SGCZ: variants seen among roughly 807,000 people sequenced by gnomAD.
SGCZ encodes the protein sarcoglycan zeta, also known as zeta-sarcoglycan.
In SGCZ, 40 loss-of-function variants were observed where a neutral mutation model predicts 41.3. The observed-to-expected ratio is 0.97, with a 90% CI of 0.75 to 1.26. The LOEUF (loss-of-function observed/expected upper bound fraction) is 1.26, where lower values mean the gene tolerates loss of function less well. SGCZ is among the 50% of genes most tolerant of loss of function. The pLI, the probability that SGCZ is intolerant of heterozygous loss-of-function variation, is 0.00. For missense variants in SGCZ, 552 were observed against 369.8 expected, an observed-to-expected ratio of 1.49 and a Z score of -4.04; for synonymous variants, 206 against 137.5, an observed-to-expected ratio of 1.50 and a Z score of -3.49.
chr8:14,717,380 T>C (rs1336553210), intron 1 of SGCZ, among the ~76,000 whole-genome samples: 2 of 152,134 alleles, frequency 1.3e-5, no homozygotes, highest in East Asian at 1.9e-4. Flanking sequence ...ATAAATCACT[T>C]ACAGTAATAT....
At chr8:14,947,434 T>C (rs971461998) in intron 1 of SGCZ, among the ~76,000 whole-genome samples, 14 of 152,262 alleles carry the variant, frequency 9.2e-5, no homozygotes, top group African/African-American at 3.1e-4. Flanking sequence ...TGTCCTGATG[T>C]GGACAACCTC....
chr8:14,819,864 T>C (rs1432551755), intron 1 of SGCZ, among the ~76,000 whole-genome samples: 2 of 151,874 alleles, frequency 1.3e-5, no homozygotes, highest in South Asian at 2.1e-4. Flanking sequence ...TTAAAGCAGA[T>C]ACACAAATAA....
chr8:14,403,120 G>A (rs1165284349), intron 2 of SGCZ, among the ~76,000 whole-genome samples: 1 of 150,014 alleles, frequency 6.7e-6, no homozygotes, highest in Non-Finnish European at 1.5e-5. Context: ...GAATGCTTGT[G>A]ATTTTTGTAC....
At chr8:14,226,045 C>T (rs2117134583) in intron 4 of SGCZ, among the ~76,000 whole-genome samples, 1 of 152,088 alleles carries the variant, frequency 6.6e-6, no homozygotes, top group Non-Finnish European at 1.5e-5. Flanking sequence ...ATTCTAATCA[C>T]TTATTCCACA....
chr8:14,115,977 A>G (rs896043753), intron 5 of SGCZ, among the ~76,000 whole-genome samples: 3 of 152,060 alleles, frequency 2.0e-5, no homozygotes, highest in African/African-American at 4.8e-5. Context: ...ACCATTACCA[A>G]ATGGAATGCA....
chr8:15,149,403 A>C (rs551529550), intron 1 of SGCZ, among the ~76,000 whole-genome samples: 1 of 152,246 alleles, frequency 6.6e-6, no homozygotes, highest in South Asian at 2.1e-4. Context: ...TAGGACTATG[A>C]ACTTGATTTT....
At chr8:15,122,746 C>A (rs145720781) in intron 1 of SGCZ, among the ~76,000 whole-genome samples, 1 of 152,280 alleles carries the variant, frequency 6.6e-6, no homozygotes, top group African/African-American at 2.4e-5. Flanking sequence ...ATCAAACTCT[C>A]ATAAATAAAC....
chr8:14,377,577 G>A (rs967372237), intron 2 of SGCZ, among the ~76,000 whole-genome samples: 1 of 150,766 alleles, frequency 6.6e-6, no homozygotes, highest in Non-Finnish European at 1.5e-5. Context: ...TGTGCACATT[G>A]TGCAGGTTAG....
chr8:14,929,285 C>G (rs1799858697), intron 1 of SGCZ, among the ~76,000 whole-genome samples: 1 of 152,210 alleles, frequency 6.6e-6, no homozygotes. Context: ...ACCACTGCGC[C>G]TGGCCAATGA....
rs149627636 is a variant in SGCZ at position 14,984,519 on chromosome 8, A to G, written c.39+253066T>C. On this transcript the variant is annotated intron_variant, in intron 1 of 7. Coordinates refer to ENST00000382080, the MANE Select transcript of SGCZ (RefSeq NM_139167.4). The stretch of plus-strand genomic sequence containing the variant: ...TTATCTGATATTGTTTTATAACAAA[A>G]TAGGCTTTTTTCCTTCTATAAAGCG... Among the ~76,000 whole-genome samples the G allele has an allele frequency of 4.4e-3, 670 of 152,134 alleles. 5 individuals carry two copies. The highest frequency in any genetic ancestry group is 0.016 in the African/African-American group (648 of 41,502).
intron 1 of SGCZ, among the ~76,000 whole-genome samples, chr8:15,098,022 T>C (rs891099939): frequency 6.6e-6 from 1 of 151,346 alleles, no homozygotes; most frequent in Non-Finnish European, 1.5e-5. Flanking sequence ...CTGGCTAACC[T>C]TGGGAATTAA....
chr8:14,629,315 T>C (rs1416752981), intron 1 of SGCZ, among the ~76,000 whole-genome samples: 1 of 151,486 alleles, frequency 6.6e-6, no homozygotes, highest in Non-Finnish European at 1.5e-5. Flanking sequence ...GTGATCTTTT[T>C]AAAAATTGTT....
At chr8:14,107,173 A>C (rs572698308) in intron 6 of SGCZ, among the ~76,000 whole-genome samples, 2 of 152,030 alleles carry the variant, frequency 1.3e-5, no homozygotes, top group Admixed American at 1.3e-4. Flanking sequence ...TCGAGATAGC[A>C]CCGCTGCACT....
At chr8:14,145,391 T>C (rs947071452) in intron 5 of SGCZ, among the ~76,000 whole-genome samples, 2 of 152,170 alleles carry the variant, frequency 1.3e-5, no homozygotes, top group Non-Finnish European at 2.9e-5. Flanking sequence ...GGGCTTGGGA[T>C]ACACCCTATA....
intron 1 of SGCZ, among the ~76,000 whole-genome samples, chr8:14,813,845 C>A (rs1256866704): frequency 6.6e-6 from 1 of 152,066 alleles, no homozygotes; most frequent in African/African-American, 2.4e-5. Flanking sequence ...CCCAGCTATA[C>A]AAGACACTAA....
At chr8:14,769,179 G>C (rs189026545) in intron 1 of SGCZ, among the ~76,000 whole-genome samples, 1 of 152,022 alleles carries the variant, frequency 6.6e-6, no homozygotes, top group Admixed American at 6.6e-5. Flanking sequence ...AAAACAGATG[G>C]AGAAAGACAA....
intron 5 of SGCZ, among the ~76,000 whole-genome samples, chr8:14,156,254 T>C (rs758697749): frequency 6.6e-6 from 1 of 152,162 alleles, no homozygotes; most frequent in Non-Finnish European, 1.5e-5. Context: ...GGTCAGGAGA[T>C]GGAGACCATC....
chr8:14,204,202 G>T (rs928203001), intron 4 of SGCZ, among the ~76,000 whole-genome samples: 2 of 152,010 alleles, frequency 1.3e-5, no homozygotes, highest in Non-Finnish European at 2.9e-5. Flanking sequence ...AGAAATAGAT[G>T]GGGGTAATTT....
chr8:14,527,610 G>C, intron 2 of SGCZ, among the ~76,000 whole-genome samples: 1 of 152,096 alleles, frequency 6.6e-6, no homozygotes, highest in East Asian at 1.9e-4. Flanking sequence ...TTATGCTGCT[G>C]GCAGTGGTAG....
Sources: allele counts gnomAD v4.1 joint callset (sites outside exome capture counted in the v4.1 genomes callset), GRCh38; gene constraint gnomAD v4.1.1; transcripts MANE v1.5; gene names NCBI Gene and HGNC (gene_info 2026-07-23, HGNC 2026-07-21).